SLCO1B3: variants seen among roughly 807,000 people sequenced by gnomAD.
SLCO1B3 encodes the protein liver-specific organic anion transporter 2.
In SLCO1B3, 72 loss-of-function variants were observed where a neutral mutation model predicts 71.8. The observed-to-expected ratio is 1.00, with a 90% CI of 0.83 to 1.22. The LOEUF (loss-of-function observed/expected upper bound fraction) is 1.22, where lower values mean the gene tolerates loss of function less well. Ranked by LOEUF, SLCO1B3 falls within the 50% of genes most tolerant of loss-of-function variation. SLCO1B3 has a pLI of 0.00. For synonymous variants in SLCO1B3, 298 were observed against 278.4 expected (o/e 1.07, Z -0.70); for missense variants, 911 against 819.7 (o/e 1.11, Z -1.36).
intron 3 of SLCO1B3, among the ~76,000 whole-genome samples, chr12:20,836,926 C>T (rs1323087917): frequency 1.3e-5 from 2 of 152,198 alleles, no homozygotes; most frequent in Admixed American, 6.5e-5. Flanking sequence ...CAGGCGTGAG[C>T]CACTGTGCTA....
intron 3 of SLCO1B3, among the ~76,000 whole-genome samples, chr12:20,845,892 G>C (rs1472822657): frequency 6.6e-6 from 1 of 151,936 alleles, no homozygotes; most frequent in Non-Finnish European, 1.5e-5. Flanking sequence ...ATGAATCTGG[G>C]AGCTCCATTG....
At chr12:20,910,737 T>G (rs1201206738) in intron 15 of SLCO1B3, among the ~76,000 whole-genome samples, 1 of 152,190 alleles carries the variant, frequency 6.6e-6, no homozygotes, top group African/African-American at 2.4e-5. Flanking sequence ...GTAATGTATT[T>G]TTAATTTCAA....
At chr12:20,874,215 C>T (rs749845544) in intron 8 of SLCO1B3, among the ~76,000 whole-genome samples, 4 of 152,156 alleles carry the variant, frequency 2.6e-5, no homozygotes, top group Non-Finnish European at 5.9e-5. Context: ...CTCACACATT[C>T]GCTCTGTGTT....
At chr12:20,871,888 A>G (rs1455935178) in intron 8 of SLCO1B3, among the ~76,000 whole-genome samples, 1 of 152,018 alleles carries the variant, frequency 6.6e-6, no homozygotes, top group African/African-American at 2.4e-5. Flanking sequence ...TCGGGCTACC[A>G]TCTATGTTAA....
At position 20,830,254 on chromosome 12, in the gene SLCO1B3, T is replaced by C. The variant is rs142541664; in HGVS notation, c.84+14432T>C. Reference sequence around the variant, plus strand: ...GGTCACCAATTTACAAATTTGTAAATCAAAAGGTATGAGAGATAGGTCTTA... The same window carrying C: ...GGTCACCAATTTACAAATTTGTAAACCAAAAGGTATGAGAGATAGGTCTTA... On this transcript the variant is annotated intron_variant, in intron 3 of 15. Coordinates refer to ENST00000381545, the MANE Select transcript of SLCO1B3 (RefSeq NM_019844.4). Among the ~76,000 whole-genome samples, 1,419 of 152,206 alleles carry C rather than the reference T, an allele frequency of 9.3e-3. 70 individuals are homozygous for C. The highest frequency in any genetic ancestry group is 0.08 in the Admixed American group (1,218 of 15,282).
intron 3 of SLCO1B3, among the ~76,000 whole-genome samples, chr12:20,821,334 G>A (rs1408509003): frequency 6.6e-6 from 1 of 152,116 alleles, no homozygotes; most frequent in Admixed American, 6.6e-5. Context: ...AGTTTGTACT[G>A]GGGTCAAGCG....
At chr12:20,911,759 G>T (rs939540598) in intron 15 of SLCO1B3, among the ~76,000 whole-genome samples, 3 of 152,136 alleles carry the variant, frequency 2.0e-5, no homozygotes, top group Admixed American at 6.6e-5. Flanking sequence ...TCCTTTTAAG[G>T]TCAATGGGGT....
intron 13 of SLCO1B3, among the ~76,000 whole-genome samples, chr12:20,896,648 GTT>G (rs1158949244): frequency 6.6e-6 from 1 of 152,006 alleles, no homozygotes; most frequent in Non-Finnish European, 1.5e-5. Flanking sequence ...ATATTTTCTT[GTT>G]TTTTTCTGAG....
At chr12:20,839,537 TA>T (rs1864752790) in intron 3 of SLCO1B3, among the ~76,000 whole-genome samples, 1 of 152,184 alleles carries the variant, frequency 6.6e-6, no homozygotes, top group Non-Finnish European at 1.5e-5. Context: ...TTTGTTCCTA[TA>T]TAGGTAAGGA....
intron 13 of SLCO1B3, among the ~76,000 whole-genome samples, chr12:20,886,500 T>C (rs1238539730): frequency 2.0e-5 from 3 of 152,032 alleles, no homozygotes; most frequent in Admixed American, 2.0e-4. Context: ...CCATGAGTTA[T>C]GAGGAAAATT....
chr12:20,815,016 A>G lies in SLCO1B3; in HGVS notation c.-65-658A>G, dbSNP rs371977206. 1.1e-3 allele frequency among the ~76,000 whole-genome samples: 152 copies of G among 135,046 alleles called. 4 individuals carry two copies. The South Asian group carries it at 0.033, about 29-fold the overall frequency. 88.6% of individuals were successfully genotyped at this position (135,046 alleles called of 152,430 possible). A position where few individuals can be genotyped will look rare whatever the true frequency, so the allele number is the denominator to read the frequency against. The stretch of plus-strand genomic sequence containing the variant: ...TTTTTTGCATTTTTCAACTACATGC[A>G]TGTATTTTCTCTTGAAAAATAAGTG... On this transcript the variant is annotated intron_variant, in intron 2 of 15. Transcript: ENST00000381545.
chr12:20,856,861 A>G (rs1054151364), intron 4 of SLCO1B3, among the ~76,000 whole-genome samples: 3 of 152,160 alleles, frequency 2.0e-5, no homozygotes, highest in Admixed American at 6.6e-5. Flanking sequence ...CATCCAGGCA[A>G]TACTACACCT....
chr12:20,888,829 A>T (rs559869645), intron 13 of SLCO1B3, among the ~76,000 whole-genome samples: 15 of 152,110 alleles, frequency 9.9e-5, no homozygotes, highest in African/African-American at 3.6e-4. Flanking sequence ...GTGGTTTGTC[A>T]TATACATGGT....
chr12:20,851,178 A>G (rs1465083803), intron 3 of SLCO1B3, among the ~76,000 whole-genome samples: 1 of 152,196 alleles, frequency 6.6e-6, no homozygotes, highest in Non-Finnish European at 1.5e-5. Flanking sequence ...TTCTTTGAAT[A>G]TATACACAGA....
At chr12:20,898,591 C>A (rs1197163247) in intron 14 of SLCO1B3, 91 bp downstream of exon 14, 2 of 584,786 alleles carry the variant, frequency 3.4e-6, no homozygotes, top group Admixed American at 3.3e-5. Context: ...AACTATAAGA[C>A]TGTATAAAAA....
intron 13 of SLCO1B3, among the ~76,000 whole-genome samples, chr12:20,889,088 TC>T (rs1326152341): frequency 2.1e-5 from 2 of 94,316 alleles, no homozygotes; most frequent in African/African-American, 6.2e-5. Context: ...AATTTTATTT[TC>T]TAGAGTTTTT....
intron 3 of SLCO1B3, among the ~76,000 whole-genome samples, chr12:20,840,572 T>C (rs145611870): frequency 0.044 from 6,621 of 152,066 alleles, 228 homozygotes; most frequent in East Asian, 0.18. Context: ...TTGTATTTTT[T>C]AGTAGAGACG....
At chr12:20,846,604 C>G (rs563009690) in intron 3 of SLCO1B3, among the ~76,000 whole-genome samples, 1 of 152,014 alleles carries the variant, frequency 6.6e-6, no homozygotes, top group Non-Finnish European at 1.5e-5. Flanking sequence ...TGAAACAAAT[C>G]CCTGGAAGAA....
At chr12:20,854,780 A>G (rs935177341) in intron 3 of SLCO1B3, among the ~76,000 whole-genome samples, 5 of 152,156 alleles carry the variant, frequency 3.3e-5, no homozygotes, top group African/African-American at 1.2e-4. Context: ...TTAGTTTAAA[A>G]ATAGCAACCT....
Sources: gnomAD v4.1 joint callset for allele counts (sites outside exome capture counted in the v4.1 genomes callset) on GRCh38, gnomAD v4.1.1 for gene constraint, MANE v1.5 for transcripts, NCBI Gene and HGNC (gene_info 2026-07-23, HGNC 2026-07-21) for gene names.